The following GRIN2B variants were observed in gnomAD, a reference collection of about 807,000 sequenced individuals.
GRIN2B encodes glutamate ionotropic receptor NMDA type subunit 2B, also known as glutamate receptor ionotropic, NMDA 2B.
Under a neutral mutation model 114.5 loss-of-function variants are expected in GRIN2B, and 5 were observed. That is an observed-to-expected ratio of 0.04 (90% CI 0.02 to 0.09). The LOEUF is 0.09. Among genes scored for constraint, GRIN2B ranks in the 10% least tolerant of loss-of-function variants. The probability of loss-of-function intolerance (pLI) is 1.00; values close to 1 mark genes in which losing one functional copy is unlikely to be tolerated. For missense variants in GRIN2B, 1,108 were observed against 1,943.5 expected, an observed-to-expected ratio of 0.57 and a Z score of 8.08; for synonymous variants, 787 against 745.1, an observed-to-expected ratio of 1.06 and a Z score of -0.92.
intron 4 of GRIN2B, among the ~76,000 whole-genome samples, chr12:13,724,893 T>C (rs1163750419): frequency 6.6e-6 from 1 of 152,132 alleles, no homozygotes; most frequent in Non-Finnish European, 1.5e-5. Flanking sequence ...GCCCTACCAC[T>C]ACCTCCAAAA....
intron 5 of GRIN2B, among the ~76,000 whole-genome samples, chr12:13,655,305 A>C (rs1949852458): frequency 6.6e-6 from 1 of 152,172 alleles, no homozygotes; most frequent in African/African-American, 2.4e-5. Context: ...ACCTCATCCC[A>C]GAATAGAACC....
chr12:13,777,779 T>C (rs1864031061), intron 3 of GRIN2B, among the ~76,000 whole-genome samples: 1 of 152,222 alleles, frequency 6.6e-6, no homozygotes, highest in Non-Finnish European at 1.5e-5. Flanking sequence ...TGCCTGCAGC[T>C]CACAAGCTAC....
chr12:13,780,812 G>C lies in GRIN2B; in HGVS notation c.412-26897C>G, dbSNP rs1864096873. On this transcript the variant is annotated intron_variant, in intron 3 of 13. Coordinates refer to ENST00000609686, the MANE Select transcript of GRIN2B (RefSeq NM_000834.5). ...GGATTCTTTTCAAGGCCCAGAAAAG[G>C]TATTGTAAGGGCAGGTTTTGCCAAA... Among the ~76,000 whole-genome samples, 4 of 140,222 alleles carry C rather than the reference G, an allele frequency of 2.9e-5. No individual in the cohort carries two copies. In the South Asian group the frequency reaches 8.9e-4, roughly 31 times the overall value. 92.0% of individuals were successfully genotyped at this position (140,222 alleles called of 152,430 possible). A position where few individuals can be genotyped will look rare whatever the true frequency, so the allele number is the denominator to read the frequency against.
chr12:13,803,729 T>C (rs1378512692), intron 3 of GRIN2B, among the ~76,000 whole-genome samples: 1 of 152,100 alleles, frequency 6.6e-6, no homozygotes, highest in Non-Finnish European at 1.5e-5. Flanking sequence ...CACAGCAAAA[T>C]ACCCTAAACC....
intron 2 of GRIN2B, among the ~76,000 whole-genome samples, chr12:13,921,474 G>A (rs1466827766): frequency 6.6e-6 from 1 of 152,118 alleles, no homozygotes; most frequent in Non-Finnish European, 1.5e-5. Context: ...TCTTGCAGAA[G>A]GCTACTTTAC....
chr12:13,590,380 C>A (rs11837352), intron 10 of GRIN2B, among the ~76,000 whole-genome samples: 5,024 of 152,094 alleles, frequency 0.033, 234 homozygotes, highest in African/African-American at 0.1. Context: ...CTAATGCTCT[C>A]CCTCCCCTAG....
At chr12:13,811,404 A>G (rs1414172364) in intron 3 of GRIN2B, among the ~76,000 whole-genome samples, 1 of 152,170 alleles carries the variant, frequency 6.6e-6, no homozygotes, top group Non-Finnish European at 1.5e-5. Flanking sequence ...TGCAACATAG[A>G]GAGACCTCAA....
At chr12:13,846,052 C>T (rs1336685371) in intron 3 of GRIN2B, among the ~76,000 whole-genome samples, 2 of 152,158 alleles carry the variant, frequency 1.3e-5, no homozygotes, top group Non-Finnish European at 1.5e-5. Flanking sequence ...GGACATCATA[C>T]CAGAAACTTC....
At chr12:13,959,709 T>C (rs1867656355) in intron 2 of GRIN2B, among the ~76,000 whole-genome samples, 1 of 151,100 alleles carries the variant, frequency 6.6e-6, no homozygotes. Context: ...GGCGAAGAGA[T>C]GCTGATTGAA....
At position 13,558,163 on chromosome 12, in the gene GRIN2B, G is replaced by T. The variant is rs1353442633; in HGVS notation, c.*4620C>A. The stretch of plus-strand genomic sequence containing the variant: ...AGCAAAAGCTCTGCTGTAGTGTGTA[G>T]CAGCCTACTGAGCATGTATTTCCTA... On this transcript the variant is annotated 3_prime_UTR_variant, in exon 14 of 14. Coordinates refer to ENST00000609686, the MANE Select transcript of GRIN2B (RefSeq NM_000834.5). The T allele has an allele frequency of 6.6e-6, 1 of 152,160 alleles. No individual in the cohort carries two copies. Among genetic ancestry groups the T allele is most frequent in the Non-Finnish European group, 1.5e-5 (1 of 68,034 alleles). The allele number at this position is 152,160 out of a possible 1,614,324, so 9.4% of individuals were successfully genotyped here.
chr12:13,894,084 GGACA>G, intron 2 of GRIN2B, among the ~76,000 whole-genome samples: 1 of 152,116 alleles, frequency 6.6e-6, no homozygotes. Context: ...GGGTGGCCAA[GGACA>G]TGGTGAAACA....
At chr12:13,708,773 C>T (rs1408639509) in intron 4 of GRIN2B, among the ~76,000 whole-genome samples, 1 of 152,070 alleles carries the variant, frequency 6.6e-6, no homozygotes, top group Non-Finnish European at 1.5e-5. Context: ...TATCTTCTTG[C>T]AGTACTGTTC....
At chr12:13,569,803 T>C in intron 12 of GRIN2B, 27 bp downstream of exon 12, 1 of 1,496,838 alleles carries the variant, frequency 6.7e-7, no homozygotes, top group Non-Finnish European at 9.2e-7. Flanking sequence ...AGAGGACAAA[T>C]GGGCACTTTC....
Position 13,542,754 on chromosome 12 carries a change from C to G in GRIN2B, c.*20029G>C, listed in dbSNP as rs1319675106. 2 of 152,328 alleles carry G rather than the reference C, an allele frequency of 1.3e-5. No individual in the cohort carries two copies. Among genetic ancestry groups the G allele is most frequent in the East Asian group, 3.8e-4 (2 of 5,200 alleles). 9.4% of individuals were successfully genotyped at this position (152,328 alleles called of 1,614,324 possible). The stretch of plus-strand genomic sequence containing the variant: ...TTCCTTTACCAACTCCCAAATCCTG[C>G]CTAAGAATCAGTGGTTCATCACCAG... On this transcript the variant is annotated 3_prime_UTR_variant, in exon 14 of 14. Coordinates refer to ENST00000609686, the MANE Select transcript of GRIN2B (RefSeq NM_000834.5).
chr12:13,560,412 T>C lies in GRIN2B; in HGVS notation c.*2371A>G, dbSNP rs547575140. ...AATTAGAAAACAAAATATTTACATA[T>C]GAAATAAACACCATCTTGATTTCTG... On this transcript the variant is annotated 3_prime_UTR_variant, in exon 14 of 14. Coordinates refer to ENST00000609686, the MANE Select transcript of GRIN2B (RefSeq NM_000834.5). The C allele has an allele frequency of 6.6e-6, 1 of 152,328 alleles. No individual in the cohort carries two copies. The highest frequency in any genetic ancestry group is 1.9e-4 in the East Asian group (1 of 5,178). The allele number at this position is 152,328 out of a possible 1,614,324, so 9.4% of individuals were successfully genotyped here.
At chr12:13,745,127 C>A (rs1158142081) in intron 4 of GRIN2B, among the ~76,000 whole-genome samples, 2 of 152,168 alleles carry the variant, frequency 1.3e-5, no homozygotes, top group African/African-American at 4.8e-5. Context: ...AAAAGCCACA[C>A]AACCATCTCT....
intron 2 of GRIN2B, among the ~76,000 whole-genome samples, chr12:13,951,391 A>G (rs545089037): frequency 6.6e-6 from 1 of 152,258 alleles, no homozygotes; most frequent in East Asian, 1.9e-4. Flanking sequence ...GAAGGATAGG[A>G]ACCCTGCAGC....
rs200871815 is a variant in GRIN2B, at chr12:13,562,528, T to C, written c.*255A>G. On this transcript the variant is annotated 3_prime_UTR_variant, in exon 14 of 14. Coordinates refer to ENST00000609686, the MANE Select transcript of GRIN2B (RefSeq NM_000834.5). ...TACCCTCCCCTGCTGAGAGGGCCCA[T>C]GGCATCATCTCATGGGAACAGGAAT... The C allele has an allele frequency of 1.3e-5, 7 of 520,492 alleles. No individual in the cohort carries two copies. The highest frequency in any genetic ancestry group is 2.4e-5 in the Non-Finnish European group (7 of 289,570). The allele number at this position is 520,492 out of a possible 1,614,324, so 32.2% of individuals were successfully genotyped here.
chr12:13,870,298 T>C (rs1472384411), intron 2 of GRIN2B, among the ~76,000 whole-genome samples: 1 of 152,096 alleles, frequency 6.6e-6, no homozygotes, highest in African/African-American at 2.4e-5. Context: ...AATCATGCCA[T>C]GAATTCAGAA....
Sources: allele counts gnomAD v4.1 joint callset (sites outside exome capture counted in the v4.1 genomes callset), GRCh38; gene constraint gnomAD v4.1.1; transcripts MANE v1.5; gene names NCBI Gene and HGNC (gene_info 2026-07-23, HGNC 2026-07-21).